Variants in PRAME observed in about 807,000 individuals in gnomAD.
PRAME encodes PRAME nuclear receptor transcriptional regulator, also known as melanoma antigen preferentially expressed in tumors.
Under a neutral mutation model 32.1 loss-of-function variants are expected in PRAME, and 21 were observed. That is an observed-to-expected ratio of 0.65 (90% CI 0.46 to 0.94). The LOEUF (loss-of-function observed/expected upper bound fraction) is 0.94. PRAME is among the 40% of genes least tolerant of loss of function. PRAME has a pLI of 0.00. For missense variants in PRAME, 651 were observed against 622.3 expected (o/e 1.05, Z -0.49); for synonymous variants, 274 against 251.5 (o/e 1.09, Z -0.85).
chr22:22,554,019 G>A, intron 3 of PRAME: 2 of 985,142 alleles, frequency 2.0e-6, no homozygotes, highest in Non-Finnish European at 2.4e-6. Context: ...TGGTCAGCGA[G>A]ATGCAATCAG....
chr22:22,551,310 G>A (rs992955929), intron 3 of PRAME, among the ~76,000 whole-genome samples: 1 of 151,642 alleles, frequency 6.6e-6, no homozygotes, highest in Non-Finnish European at 1.5e-5. Flanking sequence ...TAGAGGAGGG[G>A]ACAGGACGGC....
chr22:22,557,398 C>T (rs1357190682), intron 2 of PRAME, 147 bp downstream of exon 2: 4 of 159,578 alleles, frequency 2.5e-5, no homozygotes, highest in African/African-American at 7.2e-5. Context: ...GCAGGCGGCC[C>T]GGGGTGACCC....
intron 1 of PRAME, among the ~76,000 whole-genome samples, chr22:22,558,744 G>A (rs1198122314): frequency 6.6e-6 from 1 of 151,360 alleles, no homozygotes; most frequent in African/African-American, 2.4e-5. Flanking sequence ...AGACGTCCAA[G>A]TCTGGACTCT....
rs552248003 is a variant in PRAME, at chr22:22,554,026, T to C, written c.21+2786A>G. ...AGAGATTCTGGTCAGCGAGATGCAA[T>C]CAGGCCTATCAATTAGACTCAGTTT... On this transcript the variant is annotated intron_variant, in intron 3 of 5. Transcript: ENST00000405655. 4.7e-4 allele frequency: 464 copies of C among 985,170 alleles called. 1 individual carries two copies. In the Middle Eastern group the frequency reaches 7.3e-3, roughly 16 times the overall value. 61.0% of individuals were successfully genotyped at this position (985,170 alleles called of 1,614,324 possible).
intron 5 of PRAME, 41 bp downstream of exon 5, chr22:22,549,685 G>A (rs1370911641): frequency 1.3e-6 from 2 of 1,538,114 alleles, no homozygotes; most frequent in Non-Finnish European, 1.7e-6. Flanking sequence ...CAATAAGGAA[G>A]GGCTTGCTCT....
chr22:22,551,385 C>G (rs533189208), intron 3 of PRAME, among the ~76,000 whole-genome samples: 2 of 152,012 alleles, frequency 1.3e-5, no homozygotes, highest in East Asian at 4.0e-4. Context: ...GAAGTGAGAA[C>G]TAAGGAGCCT....
intron 3 of PRAME, among the ~76,000 whole-genome samples, chr22:22,556,461 C>T (rs2062923972): frequency 6.6e-6 from 1 of 151,536 alleles, no homozygotes; most frequent in Non-Finnish European, 1.5e-5. Context: ...CAGGTGCATG[C>T]CACCACGCCC....
In PRAME at chr22:22,548,383, C is replaced by G. The variant is rs765683057; in HGVS notation, c.1214G>C (p.Cys405Ser). 1 of 1,613,462 alleles carries G rather than the reference C, an allele frequency of 6.2e-7. No homozygotes were observed. Among genetic ancestry groups the G allele is most frequent in the Non-Finnish European group, 8.5e-7 (1 of 1,179,942 alleles). ...LLALLPSLSHCSQLTTLSFYG... is the reference protein window; with the variant it reads ...LLALLPSLSHSSQLTTLSFYG... ...GAAGCTTAAGGTCGTAAGCTGGGAG[C>G]AGTGGCTCAGGGAAGGCAGGAGGGC... The change falls in exon 6 of 6, where the codon TGC becomes TCC. Residue 405 changes from cysteine to serine, a missense_variant. Physicochemically the swap from Cys to Ser is moderately radical, Grantham distance 112 (BLOSUM62 -1). Transcript: ENST00000405655.
rs397819576 is a variant in PRAME, at chr22:22,557,222, C to CTG, written c.-77-314_-77-313insCA. ...CCTTCCTAGGACGCCTACGCCACTG[C>CTG]CTGGGCCGTCCCCAACCCCCAGCAC... On this transcript the variant is annotated intron_variant, in intron 2 of 5. Transcript: ENST00000405655. 21 of 234,180 alleles carry CTG rather than the reference C, an allele frequency of 9.0e-5. No individual in the cohort carries two copies. In the East Asian group the frequency reaches 2.0e-3, roughly 22 times the overall value. 14.5% of individuals were successfully genotyped at this position (234,180 alleles called of 1,614,324 possible). A position where few individuals can be genotyped will look rare whatever the true frequency, so the allele number is the denominator to read the frequency against.
chr22:22,550,895 C>T lies in PRAME; in HGVS notation c.216G>A (p.Met72Ile). ...DGRHSQTLKAMVQAWPFTCLP... is the reference protein window; with the variant it reads ...DGRHSQTLKAIVQAWPFTCLP... ...GGCAGGTGAAGGGCCAGGCCTGCAC[C>T]ATTGCCTTCAGGGTCTGGCTGTGTC... Residue 72 changes from methionine to isoleucine, a missense_variant, in exon 4 of 6, where the codon ATG becomes ATA. Physicochemically the swap from Met to Ile is conservative, Grantham distance 10. Transcript: ENST00000405655. 1 of 1,613,902 alleles carries T rather than the reference C, an allele frequency of 6.2e-7. No individual in the cohort carries two copies. Among genetic ancestry groups the T allele is most frequent in the Non-Finnish European group, 8.5e-7 (1 of 1,179,956 alleles).
At chr22:22,556,017 G>T (rs534479003) in intron 3 of PRAME, 62 of 405,340 alleles carry the variant, frequency 1.5e-4, no homozygotes, top group African/African-American at 5.7e-4. Flanking sequence ...TTTGGAGGAG[G>T]AGTTTCACTC....
chr22:22,551,960 G>C (rs909980092), intron 3 of PRAME, among the ~76,000 whole-genome samples: 1 of 150,954 alleles, frequency 6.6e-6, no homozygotes, highest in Non-Finnish European at 1.5e-5. Flanking sequence ...ATTAACTACA[G>C]TTACCATCTT....
chr22:22,554,877 A>G (rs537195509), intron 3 of PRAME, among the ~76,000 whole-genome samples: 96 of 151,944 alleles, frequency 6.3e-4, no homozygotes, highest in Non-Finnish European at 2.8e-4. Flanking sequence ...CAGGAGATCC[A>G]AGGGAGGAGG....
Position 22,548,104 on chromosome 22 carries a change from G to A in PRAME, c.1493C>T (p.Pro498Leu), listed in dbSNP as rs767863839. The A allele has an allele frequency of 9.3e-6, 15 of 1,613,328 alleles. No individual in the cohort carries two copies. The highest frequency in any genetic ancestry group is 4.0e-5 in the African/African-American group (3 of 74,828). The change falls in exon 6 of 6, where the codon CCG (proline) becomes CTG (leucine). Residue 498 changes from proline (P) to leucine (L), a missense_variant. Transcript: ENST00000405655. Reference protein sequence around the residue: ...PHCGDRTFYDPEPILCPCFMP... With the variant: ...PHCGDRTFYDLEPILCPCFMP... ...GAAACAGGGGCACAGGATGGGCTCCGGGTCATAGAAGGTTCTGTCCCCACA... is the reference window on the plus strand; with the variant it reads ...GAAACAGGGGCACAGGATGGGCTCCAGGTCATAGAAGGTTCTGTCCCCACA...
chr22:22,551,803 T>C (rs1032094311), intron 3 of PRAME, among the ~76,000 whole-genome samples: 2 of 151,928 alleles, frequency 1.3e-5, no homozygotes, highest in Non-Finnish European at 2.9e-5. Flanking sequence ...AAATTGTGTA[T>C]ATTTATGGTG....
rs557949836 is a variant in PRAME at position 22,558,466 on chromosome 22, G to C, written c.-114+505C>G. Reference sequence around the variant, plus strand: ...ATGAGAGAAGACAGAGGTTGGGGGAGGGGTGGGGATGTGTAAGAAAAACAA... The same window carrying C: ...ATGAGAGAAGACAGAGGTTGGGGGACGGGTGGGGATGTGTAAGAAAAACAA... On this transcript the variant is annotated intron_variant, in intron 1 of 5. Coordinates refer to ENST00000405655, the MANE Select transcript of PRAME (RefSeq NM_206956.3). Among the ~76,000 whole-genome samples the C allele has an allele frequency of 2.8e-4, 22 of 78,256 alleles. No individual in the cohort carries two copies. The South Asian group carries it at 0.012, about 43-fold the overall frequency. 51.3% of individuals were successfully genotyped at this position (78,256 alleles called of 152,430 possible).
intron 3 of PRAME, chr22:22,555,993 AT>A (rs113693405): frequency 0.63 from 211,004 of 334,398 alleles, 52,118 homozygotes; most frequent in African/African-American, 0.83. Flanking sequence ...ATGCATTAAG[AT>A]TTTTTTTTTT....
intron 3 of PRAME, among the ~76,000 whole-genome samples, chr22:22,552,440 T>A (rs1229274636): frequency 1.3e-5 from 2 of 151,240 alleles, no homozygotes; most frequent in Non-Finnish European, 2.9e-5. Context: ...AGAAATTATT[T>A]TTAACATATA....
chr22:22,552,341 T>C (rs2062632259), intron 3 of PRAME, among the ~76,000 whole-genome samples: 1 of 150,638 alleles, frequency 6.6e-6, no homozygotes, highest in Admixed American at 6.6e-5. Flanking sequence ...CAAATTATAA[T>C]TGCTTGCCAC....
Sources: allele counts gnomAD v4.1 joint callset (sites outside exome capture counted in the v4.1 genomes callset), GRCh38; gene constraint gnomAD v4.1.1; transcripts MANE v1.5; gene names NCBI Gene and HGNC (gene_info 2026-07-23, HGNC 2026-07-21).